STS: variants seen among roughly 807,000 people sequenced by gnomAD.
STS encodes the protein steroid sulfatase.
A neutral mutation model predicts 26.8 loss-of-function variants in STS; 7 were observed. The observed-to-expected ratio is 0.26, with a 90% CI of 0.15 to 0.49. The LOEUF (loss-of-function observed/expected upper bound fraction) is 0.49. STS is among the 20% of genes least tolerant of loss of function. The pLI is 0.98. For synonymous variants in STS, 199 were observed against 189.4 expected (o/e 1.05, Z -0.42); for missense variants, 434 against 465.6 (o/e 0.93, Z 0.63).
intron 8 of STS, among the ~76,000 whole-genome samples, chrX:7,317,188 G>A (rs1926751886): frequency 9.0e-6 from 1 of 111,526 alleles, no homozygotes; most frequent in Admixed American, 9.5e-5. Context: ...TGTTAAAACT[G>A]TGAATTGGAC....
intron 2 of STS, among the ~76,000 whole-genome samples, chrX:7,204,870 T>G (rs180934731): frequency 4.5e-4 from 49 of 108,392 alleles, no homozygotes; most frequent in African/African-American, 1.6e-3. Context: ...TGCCTCCCTT[T>G]TTTTCCTTCC....
intron 2 of STS, among the ~76,000 whole-genome samples, chrX:7,231,310 A>T (rs1746157403): frequency 8.9e-6 from 1 of 112,143 alleles, no homozygotes; most frequent in African/African-American, 3.2e-5. Context: ...TGATGTACTA[A>T]ATGCCACTGA....
intron 1 of STS, among the ~76,000 whole-genome samples, chrX:7,153,603 T>C (rs1425774405): frequency 3.0e-4 from 21 of 71,089 alleles, no homozygotes; most frequent in African/African-American, 6.0e-4. Flanking sequence ...TGCTTCCTTC[T>C]CTTCCTTTCC....
intron 6 of STS, among the ~76,000 whole-genome samples, chrX:7,263,454 G>T (rs1193133581): frequency 8.9e-6 from 1 of 112,889 alleles, no homozygotes; most frequent in African/African-American, 3.2e-5. Flanking sequence ...TTGCATTGCA[G>T]TTGCCTGCAG....
chrX:7,328,214 T>C (rs1927570437), intron 9 of STS, among the ~76,000 whole-genome samples: 1 of 112,006 alleles, frequency 8.9e-6, no homozygotes, highest in African/African-American at 3.2e-5. Context: ...TCATCACCCA[T>C]AATGTTAAAA....
chrX:7,194,900 G>C (rs1197059709), intron 2 of STS, among the ~76,000 whole-genome samples: 2 of 111,657 alleles, frequency 1.8e-5, no homozygotes, highest in African/African-American at 6.5e-5. Flanking sequence ...CACGCAGACT[G>C]TATGGTATGG....
chrX:7,270,432 T>C (rs1482987449), intron 6 of STS, among the ~76,000 whole-genome samples: 2 of 111,887 alleles, frequency 1.8e-5, no homozygotes, highest in East Asian at 2.8e-4. Flanking sequence ...CCCAGGTGTG[T>C]GCAGGAAAGC....
At chrX:7,342,698 T>C (rs59940624) in intron 10 of STS, among the ~76,000 whole-genome samples, 4,230 of 111,753 alleles carry the variant, frequency 0.038, 181 homozygotes, top group African/African-American at 0.13. Context: ...AGTTAGGGGG[T>C]TTGTGCTATG....
At chrX:7,238,022 T>G (rs1441636720) in intron 2 of STS, among the ~76,000 whole-genome samples, 1 of 110,756 alleles carries the variant, frequency 9.0e-6, no homozygotes, top group Non-Finnish European at 1.9e-5. Flanking sequence ...ATTGTTTACA[T>G]GTCTTCTGCA....
chrX:7,274,607 C>T (rs1924440636), intron 6 of STS, among the ~76,000 whole-genome samples: 1 of 111,877 alleles, frequency 8.9e-6, no homozygotes, highest in Non-Finnish European at 1.9e-5. Flanking sequence ...AACCTCATAC[C>T]TTCGTATAGC....
At chrX:7,228,961 T>G (rs371494546) in intron 2 of STS, among the ~76,000 whole-genome samples, 6 of 112,361 alleles carry the variant, frequency 5.3e-5, no homozygotes, top group African/African-American at 1.6e-4. Context: ...TTCTGTTTGT[T>G]TCTTCTTTTG....
At chrX:7,256,319 A>G (rs769609953) in intron 3 of STS, among the ~76,000 whole-genome samples, 2 of 112,605 alleles carry the variant, frequency 1.8e-5, no homozygotes, top group African/African-American at 6.4e-5. Flanking sequence ...GAGCTCATAA[A>G]TAAGTATTTA....
intron 2 of STS, among the ~76,000 whole-genome samples, chrX:7,204,759 C>G (rs181061596): frequency 2.9e-5 from 3 of 102,938 alleles, no homozygotes; most frequent in Non-Finnish European, 4.0e-5. Context: ...TCTTCCCTCT[C>G]TCTCCCTCCT....
chrX:7,195,948 A>G (rs1174116616), intron 2 of STS, among the ~76,000 whole-genome samples: 1 of 112,491 alleles, frequency 8.9e-6, no homozygotes, highest in Non-Finnish European at 1.9e-5. Flanking sequence ...TAAAGACTAG[A>G]TAAGGTCTGT....
At chrX:7,323,966 C>CA (rs1244876140) in intron 8 of STS, among the ~76,000 whole-genome samples, 1 of 111,561 alleles carries the variant, frequency 9.0e-6, no homozygotes, top group African/African-American at 3.3e-5. Context: ...ACCCTGTCTA[C>CA]AAAAAGAGTC....
rs763408755 is a variant in STS, at chrX:7,324,483, G to C, written c.1082-856G>C. On this transcript the variant is annotated intron_variant, in intron 8 of 10. Coordinates refer to ENST00000674429, the MANE Select transcript of STS (RefSeq NM_001320752.2). ...TACAGAATGTAGATTTTCTGCACAAGAGACAGCTTTGTGGGGCTATTTTGA... is the reference window on the plus strand; with the variant it reads ...TACAGAATGTAGATTTTCTGCACAACAGACAGCTTTGTGGGGCTATTTTGA... Among the ~76,000 whole-genome samples, 9 of 112,038 alleles carry C rather than the reference G, an allele frequency of 8.0e-5. No homozygotes were observed. In the South Asian group the frequency reaches 2.3e-3, roughly 28 times the overall value.
intron 1 of STS, among the ~76,000 whole-genome samples, chrX:7,187,830 G>A (rs1446597033): frequency 9.0e-6 from 1 of 111,376 alleles, no homozygotes; most frequent in African/African-American, 3.3e-5. Context: ...GACAACGGAT[G>A]GCAAACCCCA....
At chrX:7,192,369 G>C (rs1217980684) in intron 2 of STS, among the ~76,000 whole-genome samples, 1 of 111,944 alleles carries the variant, frequency 8.9e-6, no homozygotes, top group Non-Finnish European at 1.9e-5. Context: ...TTTGGGACCA[G>C]CCTGGCCAAC....
In STS at chrX:7,352,736, C is replaced by G. The variant is rs1601772540; in HGVS notation, c.*2475C>G. The G allele has an allele frequency of 9.0e-6, 1 of 110,761 alleles. No individual in the cohort carries two copies. Among genetic ancestry groups the G allele is most frequent in the Admixed American group, 9.8e-5 (1 of 10,214 alleles). 9.1% of individuals were successfully genotyped at this position (110,761 alleles called of 1,213,427 possible). On this transcript the variant is annotated 3_prime_UTR_variant, in exon 11 of 11. Transcript: ENST00000674429. ...TTTAAGCAAATTCTTTTAAAAAATT[C>G]TTGTATTTCTAGCATTACTAGATAT...
Sources: gnomAD v4.1 joint callset for allele counts (sites outside exome capture counted in the v4.1 genomes callset) on GRCh38, gnomAD v4.1.1 for gene constraint, MANE v1.5 for transcripts, NCBI Gene and HGNC (gene_info 2026-07-23, HGNC 2026-07-21) for gene names.